Variants in SPOCK3 observed in about 807,000 individuals in gnomAD.
SPOCK3 encodes testican-3.
Under a neutral mutation model 56.6 loss-of-function variants are expected in SPOCK3, and 30 were observed. The observed-to-expected ratio is 0.53, with a 90% CI of 0.40 to 0.72. The LOEUF is 0.72. SPOCK3 is among the 30% of genes least tolerant of loss of function. The pLI, the probability that SPOCK3 is intolerant of heterozygous loss-of-function variation, is 0.00. For missense variants in SPOCK3, 527 were observed against 530.0 expected (o/e 0.99, Z 0.06); for synonymous variants, 196 against 183.3 (o/e 1.07, Z -0.56).
At chr4:167,023,347 A>C (rs1751385920) in intron 3 of SPOCK3, among the ~76,000 whole-genome samples, 1 of 152,014 alleles carries the variant, frequency 6.6e-6, no homozygotes, top group South Asian at 2.1e-4. Flanking sequence ...GGTGCATTCT[A>C]GTACTCAAAT....
intron 3 of SPOCK3, among the ~76,000 whole-genome samples, chr4:167,041,854 C>A (rs1753260282): frequency 6.6e-6 from 1 of 151,760 alleles, no homozygotes; most frequent in African/African-American, 2.4e-5. Flanking sequence ...TTAAAACATC[C>A]CACTGAACTT....
At chr4:167,036,473 C>G (rs1752765690) in intron 3 of SPOCK3, among the ~76,000 whole-genome samples, 1 of 152,016 alleles carries the variant, frequency 6.6e-6, no homozygotes, top group Admixed American at 6.5e-5. Flanking sequence ...AGAAGAAATA[C>G]ACAAAAAAAC....
At chr4:167,178,296 C>T (rs1286263592) in intron 2 of SPOCK3, among the ~76,000 whole-genome samples, 2 of 152,166 alleles carry the variant, frequency 1.3e-5, no homozygotes, top group Admixed American at 6.6e-5. Context: ...TCAACATTTA[C>T]ATTCAACCCT....
At chr4:167,003,835 A>G (rs1047589429) in intron 3 of SPOCK3, among the ~76,000 whole-genome samples, 3 of 152,194 alleles carry the variant, frequency 2.0e-5, no homozygotes, top group African/African-American at 7.2e-5. Flanking sequence ...TGTATTTTAA[A>G]CAACTGCCAT....
chr4:166,875,701 A>G (rs1378592782), intron 6 of SPOCK3, among the ~76,000 whole-genome samples: 1 of 152,226 alleles, frequency 6.6e-6, no homozygotes, highest in African/African-American at 2.4e-5. Context: ...AGCGGAAATT[A>G]CAAGTGTTAC....
At chr4:167,201,851 C>A (rs1312601903) in intron 2 of SPOCK3, among the ~76,000 whole-genome samples, 1 of 151,734 alleles carries the variant, frequency 6.6e-6, no homozygotes, top group Non-Finnish European at 1.5e-5. Flanking sequence ...TACCTGCAGA[C>A]CTTTCTAGAA....
intron 2 of SPOCK3, among the ~76,000 whole-genome samples, chr4:167,182,168 A>G (rs1304899532): frequency 6.6e-6 from 1 of 152,214 alleles, no homozygotes; most frequent in Non-Finnish European, 1.5e-5. Flanking sequence ...GAGAATGCAT[A>G]CTGCCTAATC....
At chr4:166,877,137 G>C (rs1363645138) in intron 6 of SPOCK3, among the ~76,000 whole-genome samples, 1 of 152,074 alleles carries the variant, frequency 6.6e-6, no homozygotes, top group African/African-American at 2.4e-5. Context: ...GTTTGTGCAA[G>C]AACAGTTGAT....
chr4:167,038,938 T>C (rs958819244), intron 3 of SPOCK3, among the ~76,000 whole-genome samples: 3 of 152,190 alleles, frequency 2.0e-5, no homozygotes, highest in Admixed American at 1.3e-4. Flanking sequence ...TTAATTGTAT[T>C]CATTTCCTGG....
In SPOCK3 at chr4:167,030,159, C is replaced by T. The variant is rs145953846; in HGVS notation, c.236-29696G>A. 1.0e-3 allele frequency among the ~76,000 whole-genome samples: 158 copies of T among 151,012 alleles called. 2 individuals are homozygous for T. In the East Asian group the frequency reaches 0.024, roughly 23 times the overall value. ...CATCCATCCATTAATCCTCAACTAT[C>T]CATCCATCTAGAAAAAGAGAGCCTG... is the stretch of plus-strand genomic sequence containing the variant. On this transcript the variant is annotated intron_variant, in intron 3 of 10. Coordinates refer to ENST00000357545, the MANE Select transcript of SPOCK3 (RefSeq NM_001040159.2).
chr4:166,974,713 A>T (rs180838083), intron 4 of SPOCK3, among the ~76,000 whole-genome samples: 118 of 152,326 alleles, frequency 7.7e-4, no homozygotes, highest in African/African-American at 2.7e-3. Flanking sequence ...CAAATGGTAA[A>T]TTCTCAGTCC....
intron 2 of SPOCK3, among the ~76,000 whole-genome samples, chr4:167,157,618 T>TA (rs35532827): frequency 0.13 from 18,909 of 147,702 alleles, 1,305 homozygotes; most frequent in East Asian, 0.23. Flanking sequence ...AGGTTTTTTT[T>TA]AAAAAAAAAA....
intron 6 of SPOCK3, among the ~76,000 whole-genome samples, chr4:166,873,818 T>C (rs192427616): frequency 1.3e-5 from 2 of 152,134 alleles, no homozygotes; most frequent in East Asian, 1.9e-4. Flanking sequence ...TGGGGAAGGG[T>C]ATAGAACTCA....
rs80332335 is a variant in SPOCK3 at position 166,838,221 on chromosome 4, G to A, written c.590-45932C>T. Among the ~76,000 whole-genome samples the A allele has an allele frequency of 6.8e-4, 103 of 152,142 alleles. 2 individuals are homozygous for A. In the East Asian group the frequency reaches 0.017, roughly 25 times the overall value. ...TTAGTTTATGTCATTTGTCAAATGT[G>A]CCATTTTCCACTGTTATTTTCTCAA... On this transcript the variant is annotated intron_variant, in intron 6 of 10. Coordinates refer to ENST00000357545, the MANE Select transcript of SPOCK3 (RefSeq NM_001040159.2).
At chr4:166,842,325 G>T (rs546466170) in intron 6 of SPOCK3, among the ~76,000 whole-genome samples, 44 of 152,256 alleles carry the variant, frequency 2.9e-4, no homozygotes, top group African/African-American at 1.0e-3. Context: ...TTTACAGAGA[G>T]CTGATTGGTC....
chr4:167,028,699 G>A (rs1290134640), intron 3 of SPOCK3, among the ~76,000 whole-genome samples: 2 of 151,758 alleles, frequency 1.3e-5, no homozygotes, highest in Non-Finnish European at 2.9e-5. Flanking sequence ...CTTTATTTTG[G>A]GTAGCCATGT....
chr4:166,801,351 C>A (rs1431463124), intron 6 of SPOCK3, among the ~76,000 whole-genome samples: 5 of 151,610 alleles, frequency 3.3e-5, no homozygotes, highest in Non-Finnish European at 7.4e-5. Flanking sequence ...CTTTCCCTAC[C>A]AAAAAAAGGG....
chr4:166,780,736 A>G (rs901536711), intron 7 of SPOCK3, among the ~76,000 whole-genome samples: 2 of 152,146 alleles, frequency 1.3e-5, no homozygotes, highest in African/African-American at 4.8e-5. Flanking sequence ...ATTCAGATAC[A>G]TAGTACCTTC....
At chr4:167,099,944 A>C in intron 2 of SPOCK3, among the ~76,000 whole-genome samples, 1 of 152,154 alleles carries the variant, frequency 6.6e-6, no homozygotes, top group East Asian at 1.9e-4. Context: ...TTCTTTCTTC[A>C]TGACAATTAT....
Sources: gnomAD v4.1 joint callset for allele counts (sites outside exome capture counted in the v4.1 genomes callset) on GRCh38, gnomAD v4.1.1 for gene constraint, MANE v1.5 for transcripts, NCBI Gene and HGNC (gene_info 2026-07-23, HGNC 2026-07-21) for gene names.